FAM161A: variants seen among roughly 807,000 people sequenced by gnomAD.
The protein encoded by FAM161A is protein FAM161A.
Under a neutral mutation model 70.9 loss-of-function variants are expected in FAM161A, and 57 were observed. The ratio of observed to expected loss-of-function variants is 0.80; its 90% CI spans 0.65 to 1.00. The LOEUF (loss-of-function observed/expected upper bound fraction) is 1.00, where lower values mean the gene tolerates loss of function less well. Among genes scored for constraint, FAM161A ranks in the 50% least tolerant of loss-of-function variants. The probability of loss-of-function intolerance (pLI) is 0.00; values close to 1 mark genes in which losing one functional copy is unlikely to be tolerated. For synonymous variants in FAM161A, 299 were observed against 295.7 expected, an observed-to-expected ratio of 1.01 and a Z score of -0.12; for missense variants, 880 against 836.0, an observed-to-expected ratio of 1.05 and a Z score of -0.65.
rs750749446 is a variant in FAM161A, at chr2:61,840,284, C to T, written c.720G>A (p.Glu240=). The change falls in exon 3 of 7, where the codon GAG becomes GAA. Residue 240 remains glutamate (E), a synonymous_variant. Transcript: ENST00000404929. ...KEWVPTITVP[E]PFQMMIREQK... ...GTTCTCTTATCATCATTTGAAAAGG[C>T]TCCGGTACTGTAATTGTGGGCACCC... 1.9e-4 allele frequency: 301 copies of T among 1,613,942 alleles called. No individual in the cohort carries two copies. Among genetic ancestry groups the T allele is most frequent in the Non-Finnish European group, 2.4e-4 (287 of 1,180,018 alleles).
chr2:61,826,376 T>C lies in FAM161A; in HGVS notation c.*79A>G, dbSNP rs1168269133. ...CACATATCAGAAGCGTCCCCACAGATGTTCTAAACACAAATGCGGCTGCTG... is the reference window on the plus strand; with the variant it reads ...CACATATCAGAAGCGTCCCCACAGACGTTCTAAACACAAATGCGGCTGCTG... On this transcript the variant is annotated 3_prime_UTR_variant, in exon 7 of 7. Coordinates refer to ENST00000404929, the MANE Select transcript of FAM161A (RefSeq NM_001201543.2). The C allele has an allele frequency of 6.7e-7, 1 of 1,503,484 alleles. No individual in the cohort carries two copies. The highest frequency in any genetic ancestry group is 2.3e-5 in the East Asian group (1 of 43,516). 93.1% of individuals were successfully genotyped at this position (1,503,484 alleles called of 1,614,324 possible). A position where few individuals can be genotyped will look rare whatever the true frequency, so the allele number is the denominator to read the frequency against.
At chr2:61,813,984 T>C in the FAM161A span, among the ~76,000 whole-genome samples, 1 of 152,096 alleles carries the variant, frequency 6.6e-6, no homozygotes, top group Non-Finnish European at 1.5e-5. Flanking sequence ...GCAGTGTGTA[T>C]GAGGTGCCAG....
intron 3 of FAM161A, 66 bp downstream of exon 3, chr2:61,839,355 T>C: frequency 7.0e-7 from 1 of 1,435,636 alleles, no homozygotes; most frequent in East Asian, 2.3e-5. Context: ...CAACATAAAC[T>C]CCACAGAGCT....
intron 6 of FAM161A, 75 bp downstream of exon 6, chr2:61,827,029 T>G (rs549573962): frequency 2.2e-6 from 3 of 1,363,796 alleles, no homozygotes; most frequent in Non-Finnish European, 3.1e-6. Context: ...AAAATATACA[T>G]AGTATAAAAT....
intron 6 of FAM161A, 40 bp from the exon 7 acceptor site, chr2:61,826,639 A>C: frequency 3.8e-6 from 6 of 1,574,300 alleles, no homozygotes; most frequent in Non-Finnish European, 5.2e-6. Flanking sequence ...AGGAAAAATG[A>C]GTTGGTTTAA....
chr2:61,838,638 T>C lies in FAM161A; in HGVS notation c.1651A>G (p.Arg551Gly). 1 of 1,612,046 alleles carries C rather than the reference T, an allele frequency of 6.2e-7. No individual in the cohort carries two copies. The highest frequency in any genetic ancestry group is 8.5e-7 in the Non-Finnish European group (1 of 1,179,446). Residue 551 changes from arginine (R) to glycine (G), a missense_variant, in exon 4 of 7, where the codon AGA becomes GGA. Arg to Gly is a moderately radical substitution (Grantham distance 125, BLOSUM62 -2). Coordinates refer to ENST00000404929, the MANE Select transcript of FAM161A (RefSeq NM_001201543.2). ...AGGAGTTTCTGCAATTCTTTCATTC[T>C]TTGCTTCTGTTTAGTTAGGATCCGA... ...RNRILTKQKQRMKELQKLLTT... is the reference protein window; with the variant it reads ...RNRILTKQKQGMKELQKLLTT...
At chr2:61,807,172 C>A in the FAM161A span, among the ~76,000 whole-genome samples, 1 of 151,976 alleles carries the variant, frequency 6.6e-6, no homozygotes, top group Admixed American at 6.6e-5. Flanking sequence ...GAAGTTGAAG[C>A]ATCAGATGTC....
chr2:61,816,312 C>T, the FAM161A span, among the ~76,000 whole-genome samples: 4 of 152,140 alleles, frequency 2.6e-5, no homozygotes, highest in African/African-American at 9.7e-5. Flanking sequence ...GTCACATTAG[C>T]TCTCTGACCT....
the FAM161A span, among the ~76,000 whole-genome samples, chr2:61,802,717 T>C: frequency 6.6e-6 from 1 of 152,348 alleles, no homozygotes; most frequent in East Asian, 1.9e-4. Context: ...AGTCACGTTG[T>C]GAATTTCTGC....
rs369213243 is a variant in FAM161A, at chr2:61,842,103, C to T, written c.422+19G>A. ...ATTTTATTTTATACTCCACAAATAACATTGAGTTACAAGCTTACCTGGAAG... is the reference window on the plus strand; with the variant it reads ...ATTTTATTTTATACTCCACAAATAATATTGAGTTACAAGCTTACCTGGAAG... On this transcript the variant is annotated intron_variant, in intron 2 of 6. Coordinates refer to ENST00000404929, the MANE Select transcript of FAM161A (RefSeq NM_001201543.2). The T allele has an allele frequency of 9.6e-5, 130 of 1,360,362 alleles. No individual in the cohort carries two copies. Among genetic ancestry groups the T allele is most frequent in the Non-Finnish European group, 1.3e-4 (127 of 949,060 alleles). The allele number at this position is 1,360,362 out of a possible 1,614,324, so 84.3% of individuals were successfully genotyped here. A position where few individuals can be genotyped will look rare whatever the true frequency, so the allele number is the denominator to read the frequency against.
intron 4 of FAM161A, among the ~76,000 whole-genome samples, chr2:61,837,141 TAC>T (rs1245875617): frequency 2.6e-5 from 4 of 152,308 alleles, no homozygotes; most frequent in Admixed American, 6.5e-5. Context: ...GTGTTGGGAT[TAC>T]AGATGTGAGC....
intron 1 of FAM161A, among the ~76,000 whole-genome samples, chr2:61,849,857 A>C (rs564007280): frequency 1.4e-4 from 1 of 7,296 alleles, no homozygotes; most frequent in Non-Finnish European, 2.2e-4. Context: ...ACATAATCTT[A>C]AACAAATTAA....
chr2:61,825,111 C>T lies in FAM161A; in HGVS notation c.*1344G>A, dbSNP rs767239022. ...TTGGAAACACTGCTATTACATACACCTGTATTAGTTCATCCTTTTAAAATG... is the reference window on the plus strand; with the variant it reads ...TTGGAAACACTGCTATTACATACACTTGTATTAGTTCATCCTTTTAAAATG... On this transcript the variant is annotated 3_prime_UTR_variant, in exon 7 of 7. Transcript: ENST00000404929. 9 of 451,968 alleles carry T rather than the reference C, an allele frequency of 2.0e-5. No individual in the cohort carries two copies. The highest frequency in any genetic ancestry group is 3.5e-5 in the Non-Finnish European group (8 of 226,298). 28.0% of individuals were successfully genotyped at this position (451,968 alleles called of 1,614,324 possible). A position where few individuals can be genotyped will look rare whatever the true frequency, so the allele number is the denominator to read the frequency against.
chr2:61,816,215 ATC>A, the FAM161A span, among the ~76,000 whole-genome samples: 1 of 152,100 alleles, frequency 6.6e-6, no homozygotes, highest in Non-Finnish European at 1.5e-5. Context: ...GAAACTCCAC[ATC>A]TGAGCTATGC....
At chr2:61,851,420 T>C (rs1429789318) in intron 1 of FAM161A, among the ~76,000 whole-genome samples, 1 of 152,070 alleles carries the variant, frequency 6.6e-6, no homozygotes, top group Non-Finnish European at 1.5e-5. Flanking sequence ...CACTGCAACC[T>C]CCGCCTCCCG....
chr2:61,813,714 G>T, the FAM161A span, among the ~76,000 whole-genome samples: 1 of 121,858 alleles, frequency 8.2e-6, no homozygotes, highest in East Asian at 2.3e-4. Context: ...GCAAGACCCT[G>T]TCTCAAAAAA....
intron 1 of FAM161A, among the ~76,000 whole-genome samples, chr2:61,849,842 G>A (rs1486954809): frequency 1.8e-5 from 2 of 109,970 alleles, no homozygotes; most frequent in African/African-American, 7.3e-5. Context: ...GGATGGAGCT[G>A]TAGGACATAA....
Position 61,853,846 on chromosome 2 carries a change from G to A in FAM161A, c.183+13C>T. 6.2e-7 allele frequency: 1 copy of A among 1,613,586 alleles called. No individual in the cohort carries two copies. The highest frequency in any genetic ancestry group is 8.5e-7 in the Non-Finnish European group (1 of 1,179,646). Reference sequence around the variant, plus strand: ...CATGCGAGGTCCCAGCCCAAGTCCCGCCCCAGTATTACCGATGCCCCAGCG... The same window carrying A: ...CATGCGAGGTCCCAGCCCAAGTCCCACCCCAGTATTACCGATGCCCCAGCG... On this transcript the variant is annotated intron_variant, in intron 1 of 6. Transcript: ENST00000404929.
Position 61,825,987 on chromosome 2 carries a change from A to G in FAM161A, c.*468T>C, listed in dbSNP as rs1208905806. 1 of 454,036 alleles carries G rather than the reference A, an allele frequency of 2.2e-6. No homozygotes were observed. The highest frequency in any genetic ancestry group is 1.6e-5 in the South Asian group (1 of 64,472). The allele number at this position is 454,036 out of a possible 1,614,324, so 28.1% of individuals were successfully genotyped here. The stretch of plus-strand genomic sequence containing the variant: ...TCAGAGCAGCAAAACAAGTTAGAGG[A>G]TTTATTCTGTGAAATGCACTGCAGA... On this transcript the variant is annotated 3_prime_UTR_variant, in exon 7 of 7. Transcript: ENST00000404929.
Sources: gnomAD v4.1 joint callset for allele counts (sites outside exome capture counted in the v4.1 genomes callset) on GRCh38, gnomAD v4.1.1 for gene constraint, MANE v1.5 for transcripts, NCBI Gene and HGNC (gene_info 2026-07-23, HGNC 2026-07-21) for gene names.